PCDHA8: variants seen among roughly 807,000 people sequenced by gnomAD.
The protein encoded by PCDHA8 is protocadherin alpha 8.
PCDHA8 carries 53 observed loss-of-function variants against 61.8 expected under a neutral mutation model. The observed-to-expected ratio is 0.86, with a 90% CI of 0.69 to 1.08. PCDHA8 has a LOEUF of 1.08. Ranked by LOEUF, PCDHA8 falls within the 50% of genes least tolerant of loss-of-function variation. PCDHA8 has a pLI of 0.00. For synonymous variants in PCDHA8, 618 were observed against 556.6 expected, an observed-to-expected ratio of 1.11 and a Z score of -1.55; for missense variants, 1,293 against 1,245.0, an observed-to-expected ratio of 1.04 and a Z score of -0.58.
At chr5:140,941,310 CTTCT>C (rs2093024652) in intron 1 of PCDHA8, among the ~76,000 whole-genome samples, 1 of 79,250 alleles carries the variant, frequency 1.3e-5, no homozygotes, top group Non-Finnish European at 2.6e-5. Flanking sequence ...CTTTCTTTTT[CTTCT>C]TTCTCTTTTT....
intron 1 of PCDHA8, among the ~76,000 whole-genome samples, chr5:140,912,509 T>A (rs1473163707): frequency 6.6e-6 from 1 of 152,170 alleles, no homozygotes; most frequent in Non-Finnish European, 1.5e-5. Flanking sequence ...TTTGGATGAA[T>A]CTTTAGGGTT....
At chr5:140,956,930 A>G (rs2153711573) in intron 1 of PCDHA8, among the ~76,000 whole-genome samples, 1 of 151,954 alleles carries the variant, frequency 6.6e-6, no homozygotes, top group East Asian at 1.9e-4. Flanking sequence ...TGCTGGATAT[A>G]GGATAAAATT....
chr5:140,888,980 G>A (rs1429569959), intron 1 of PCDHA8, among the ~76,000 whole-genome samples: 2 of 152,022 alleles, frequency 1.3e-5, no homozygotes, highest in Non-Finnish European at 2.9e-5. Context: ...TTGAATTTAT[G>A]ATTTATGATT....
intron 3 of PCDHA8, among the ~76,000 whole-genome samples, chr5:141,005,079 T>TTAGTACTTTACA (rs1375552328): frequency 3.3e-5 from 5 of 152,356 alleles, no homozygotes; most frequent in Non-Finnish European, 7.3e-5. Flanking sequence ...AGGATCAAGC[T>TTAGTACTTTACA]TAGTACTTTA....
intron 1 of PCDHA8, among the ~76,000 whole-genome samples, chr5:140,953,598 T>C (rs1189793307): frequency 2.6e-5 from 4 of 152,188 alleles, no homozygotes; most frequent in South Asian, 2.1e-4. Context: ...CTTTTGTTTA[T>C]TCCCCAGAGT....
intron 1 of PCDHA8, among the ~76,000 whole-genome samples, chr5:140,909,668 CA>C (rs1554193872): frequency 6.6e-6 from 1 of 152,162 alleles, no homozygotes; most frequent in Non-Finnish European, 1.5e-5. Context: ...CTCACTCTAC[CA>C]GTCAGGGAGC....
At chr5:140,895,653 A>G (rs1247218282) in intron 1 of PCDHA8, among the ~76,000 whole-genome samples, 1 of 152,150 alleles carries the variant, frequency 6.6e-6, no homozygotes, top group Non-Finnish European at 1.5e-5. Flanking sequence ...GCTCCCACTT[A>G]TAAGTGAGAA....
intron 1 of PCDHA8, chr5:140,859,968 T>A (rs1262644180): frequency 6.6e-6 from 1 of 151,956 alleles, no homozygotes; most frequent in Non-Finnish European, 1.5e-5. Flanking sequence ...AAGTCTCAGG[T>A]ATACAAGTGC....
At chr5:140,915,368 T>G (rs1281630689) in intron 1 of PCDHA8, among the ~76,000 whole-genome samples, 1 of 152,216 alleles carries the variant, frequency 6.6e-6, no homozygotes, top group Non-Finnish European at 1.5e-5. Flanking sequence ...TACCAGTAAG[T>G]GTCTCGGCAT....
intron 1 of PCDHA8, among the ~76,000 whole-genome samples, chr5:140,893,177 T>A (rs2063856203): frequency 6.6e-6 from 1 of 152,232 alleles, no homozygotes; most frequent in Admixed American, 6.5e-5. Flanking sequence ...TTCCACATAG[T>A]AGCTATTGTG....
At chr5:140,897,009 A>G (rs550757061) in intron 1 of PCDHA8, among the ~76,000 whole-genome samples, 6 of 152,292 alleles carry the variant, frequency 3.9e-5, no homozygotes, top group African/African-American at 9.6e-5. Context: ...ATTTTTAAAT[A>G]TACAACTAAA....
At chr5:140,905,407 A>G (rs2071810139) in intron 1 of PCDHA8, among the ~76,000 whole-genome samples, 1 of 152,158 alleles carries the variant, frequency 6.6e-6, no homozygotes, top group Non-Finnish European at 1.5e-5. Context: ...CTATTTTTAT[A>G]CCAGTACCAT....
At chr5:140,882,732 A>G (rs782399296) in intron 1 of PCDHA8, 3 of 1,614,228 alleles carry the variant, frequency 1.9e-6, no homozygotes, top group Non-Finnish European at 2.5e-6. Context: ...TTTCCACTAG[A>G]TGGCGCATCC....
chr5:140,857,101 C>T (rs781855221), intron 1 of PCDHA8: 2 of 1,597,612 alleles, frequency 1.3e-6, no homozygotes, highest in Non-Finnish European at 1.7e-6. Flanking sequence ...AGGTGATTGT[C>T]ACTTCTCTGT....
intron 1 of PCDHA8, chr5:140,857,387 G>A (rs369919324): frequency 2.5e-6 from 4 of 1,598,586 alleles, no homozygotes; most frequent in Admixed American, 1.7e-5. Flanking sequence ...GGTGGCCGAC[G>A]TGAACGACAA....
At chr5:140,942,992 C>T (rs782446748) in intron 1 of PCDHA8, among the ~76,000 whole-genome samples, 3 of 152,006 alleles carry the variant, frequency 2.0e-5, no homozygotes, top group South Asian at 2.1e-4. Flanking sequence ...TGTGGTGGCT[C>T]ATGCCTGTAA....
chr5:140,946,374 C>T (rs1371899868), intron 1 of PCDHA8, among the ~76,000 whole-genome samples: 5 of 151,656 alleles, frequency 3.3e-5, no homozygotes, highest in African/African-American at 9.7e-5. Flanking sequence ...CTCTTGCACA[C>T]GGTTGGTAGG....
At chr5:140,967,001 A>G (rs1048933252) in intron 1 of PCDHA8, 5 of 1,605,060 alleles carry the variant, frequency 3.1e-6, no homozygotes, top group East Asian at 2.2e-5. Flanking sequence ...TTGCTTGCGC[A>G]TCAACCATCT....
intron 1 of PCDHA8, chr5:140,928,948 A>G: frequency 1.2e-6 from 2 of 1,614,032 alleles, no homozygotes; most frequent in Non-Finnish European, 1.7e-6. Flanking sequence ...GTATTTAGTA[A>G]TTGCCTTGGC....
Sources: gnomAD v4.1 joint callset for allele counts (sites outside exome capture counted in the v4.1 genomes callset) on GRCh38, gnomAD v4.1.1 for gene constraint, MANE v1.5 for transcripts, NCBI Gene and HGNC (gene_info 2026-07-23, HGNC 2026-07-21) for gene names.